Variants in TTLL11 observed in about 807,000 individuals in gnomAD.
The protein encoded by TTLL11 is tubulin tyrosine ligase like 11.
Under a neutral mutation model 51.7 loss-of-function variants are expected in TTLL11, and 42 were observed. The observed-to-expected ratio is 0.81, with a 90% CI of 0.64 to 1.05. The LOEUF is 1.05. Ranked by LOEUF, TTLL11 falls within the 50% of genes least tolerant of loss-of-function variation. The probability of loss-of-function intolerance (pLI) is 0.00; values close to 1 mark genes in which losing one functional copy is unlikely to be tolerated. For synonymous variants in TTLL11, 381 were observed against 383.5 expected (o/e 0.99, Z 0.08); for missense variants, 799 against 940.4 (o/e 0.85, Z 1.97).
At chr9:121,917,048 G>A (rs1009398055) in intron 6 of TTLL11, among the ~76,000 whole-genome samples, 1 of 152,156 alleles carries the variant, frequency 6.6e-6, no homozygotes, top group Non-Finnish European at 1.5e-5. Flanking sequence ...CCTGCCAGGG[G>A]TATATTCTGA....
chr9:122,012,941 T>C (rs1473289188), intron 3 of TTLL11, among the ~76,000 whole-genome samples: 1 of 152,232 alleles, frequency 6.6e-6, no homozygotes, highest in African/African-American at 2.4e-5. Flanking sequence ...TTTCTTAATA[T>C]TCATTCATTT....
intron 8 of TTLL11, among the ~76,000 whole-genome samples, chr9:121,856,946 G>A (rs13295845): frequency 0.064 from 9,676 of 152,272 alleles, 326 homozygotes; most frequent in African/African-American, 0.084. Flanking sequence ...CTTCCTGAAC[G>A]GTCCTAAGAA....
chr9:121,953,181 C>T (rs1389234147), intron 6 of TTLL11, among the ~76,000 whole-genome samples: 1 of 152,020 alleles, frequency 6.6e-6, no homozygotes, highest in Non-Finnish European at 1.5e-5. Context: ...GTGATACCAC[C>T]AAAAATGACT....
intron 8 of TTLL11, among the ~76,000 whole-genome samples, chr9:121,842,984 T>C (rs1229709912): frequency 6.6e-6 from 1 of 152,170 alleles, no homozygotes; most frequent in African/African-American, 2.4e-5. Flanking sequence ...TGTTGGGAGA[T>C]GTGCGAAATG....
At chr9:121,884,475 C>T (rs1838926448) in intron 6 of TTLL11, among the ~76,000 whole-genome samples, 2 of 152,130 alleles carry the variant, frequency 1.3e-5, no homozygotes, top group South Asian at 4.2e-4. Context: ...GCCAAACACA[C>T]ACGCGGGAGA....
intron 6 of TTLL11, among the ~76,000 whole-genome samples, chr9:121,970,323 T>C (rs1842515725): frequency 6.6e-6 from 1 of 152,206 alleles, no homozygotes; most frequent in Admixed American, 6.5e-5. Flanking sequence ...GCAGCTCCTA[T>C]GGATTAACTG....
intron 6 of TTLL11, among the ~76,000 whole-genome samples, chr9:121,895,282 TTGTG>T (rs889884823): frequency 1.3e-5 from 2 of 151,828 alleles, no homozygotes; most frequent in African/African-American, 4.8e-5. Flanking sequence ...TGAGCTATGT[TTGTG>T]TGTGTTTGTG....
chr9:121,901,736 A>G (rs961598362), intron 6 of TTLL11, among the ~76,000 whole-genome samples: 2 of 151,896 alleles, frequency 1.3e-5, no homozygotes, highest in African/African-American at 4.8e-5. Context: ...AATTTCCCTC[A>G]TTGTTGGGTC....
intron 6 of TTLL11, among the ~76,000 whole-genome samples, chr9:121,930,148 C>T (rs1265344859): frequency 6.6e-6 from 1 of 152,180 alleles, no homozygotes; most frequent in East Asian, 1.9e-4. Context: ...AACTGATGTT[C>T]AGGAAAACCA....
At chr9:121,895,115 T>TA (rs1204630717) in intron 6 of TTLL11, among the ~76,000 whole-genome samples, 1 of 152,220 alleles carries the variant, frequency 6.6e-6, no homozygotes, top group African/African-American at 2.4e-5. Context: ...ATCTTTATCT[T>TA]ACATGTCTTA....
At chr9:121,826,479 A>ATATATATAGGTGTGTG (rs546692201) in intron 8 of TTLL11, among the ~76,000 whole-genome samples, 1 of 52,600 alleles carries the variant, frequency 1.9e-5, no homozygotes, top group Non-Finnish European at 4.1e-5. Flanking sequence ...ATATATATAT[A>ATATATATAGGTGTGTG]TGTATATATA....
intron 6 of TTLL11, among the ~76,000 whole-genome samples, chr9:121,920,925 C>T (rs867158226): frequency 2.6e-5 from 4 of 152,184 alleles, no homozygotes; most frequent in African/African-American, 4.8e-5. Context: ...GAAGAGAGAG[C>T]GTCTAGCTAA....
rs141203528 is a variant in TTLL11, at chr9:121,842,702, G to T, written c.1840+17635C>A. On this transcript the variant is annotated intron_variant, in intron 8 of 8. Coordinates refer to ENST00000321582, the MANE Select transcript of TTLL11 (RefSeq NM_001139442.2). Reference sequence around the variant, plus strand: ...GTCTTGGGTAACCTGGGCATTTTTTGATGACAAATAACTGATCAGATGGTT... The same window carrying T: ...GTCTTGGGTAACCTGGGCATTTTTTTATGACAAATAACTGATCAGATGGTT... 7.2e-5 allele frequency among the ~76,000 whole-genome samples: 11 copies of T among 152,264 alleles called. No individual in the cohort carries two copies. The East Asian group carries it at 2.1e-3, about 29-fold the overall frequency.
At chr9:122,067,830 T>G (rs555450706) in intron 1 of TTLL11, among the ~76,000 whole-genome samples, 7 of 152,334 alleles carry the variant, frequency 4.6e-5, no homozygotes, top group Non-Finnish European at 8.8e-5. Context: ...ATGTAAACAA[T>G]GTACTTAATT....
chr9:122,010,345 C>A (rs889054203), intron 3 of TTLL11, among the ~76,000 whole-genome samples: 6 of 152,172 alleles, frequency 3.9e-5, no homozygotes, highest in African/African-American at 1.4e-4. Flanking sequence ...TTGTAACACC[C>A]CTTTAGAGCC....
At chr9:121,971,214 TG>T (rs1842552089) in intron 6 of TTLL11, among the ~76,000 whole-genome samples, 2 of 52,566 alleles carry the variant, frequency 3.8e-5, no homozygotes, top group African/African-American at 1.2e-4. Context: ...CGGAGGGAGG[TG>T]GGGGGGTCAG....
At chr9:121,918,777 C>T (rs1840428031) in intron 6 of TTLL11, among the ~76,000 whole-genome samples, 2 of 152,160 alleles carry the variant, frequency 1.3e-5, no homozygotes, top group Non-Finnish European at 2.9e-5. Context: ...TGTAATTCCA[C>T]ACAACAATGA....
At chr9:121,911,069 T>G (rs1361901259) in intron 6 of TTLL11, among the ~76,000 whole-genome samples, 1 of 152,202 alleles carries the variant, frequency 6.6e-6, no homozygotes, top group Non-Finnish European at 1.5e-5. Flanking sequence ...TGAGACTTTA[T>G]AAAGTTCTTC....
intron 8 of TTLL11, among the ~76,000 whole-genome samples, chr9:121,856,608 C>T (rs1837828410): frequency 6.6e-6 from 1 of 152,068 alleles, no homozygotes; most frequent in South Asian, 2.1e-4. Context: ...CTGCAGGGCA[C>T]AATACCTGGT....
Sources: gnomAD v4.1 joint callset for allele counts (sites outside exome capture counted in the v4.1 genomes callset) on GRCh38, gnomAD v4.1.1 for gene constraint, MANE v1.5 for transcripts, NCBI Gene and HGNC (gene_info 2026-07-23, HGNC 2026-07-21) for gene names.